The following TOM1L1 variants were observed in gnomAD, a reference collection of about 807,000 sequenced individuals.
The protein encoded by TOM1L1 is target of myb1 like 1 membrane trafficking protein, also known as TOM1-like protein 1.
A neutral mutation model predicts 63.4 loss-of-function variants in TOM1L1; 64 were observed. The observed-to-expected ratio is 1.01, with a 90% CI of 0.83 to 1.24. The LOEUF (loss-of-function observed/expected upper bound fraction) is 1.24. TOM1L1 is among the 50% of genes most tolerant of loss of function. The pLI, the probability that TOM1L1 is intolerant of heterozygous loss-of-function variation, is 0.00. For missense variants in TOM1L1, 536 were observed against 567.0 expected (o/e 0.95, Z 0.55); for synonymous variants, 166 against 194.4 (o/e 0.85, Z 1.22).
At chr17:54,914,790 G>C in intron 6 of TOM1L1, 47 bp downstream of exon 6, 1 of 1,434,288 alleles carries the variant, frequency 7.0e-7, no homozygotes, top group Non-Finnish European at 9.8e-7. Flanking sequence ...TTCCTGATTT[G>C]TAAGCACCTT....
chr17:54,944,275 C>T (rs908533163), intron 11 of TOM1L1, among the ~76,000 whole-genome samples: 3 of 150,986 alleles, frequency 2.0e-5, no homozygotes, highest in African/African-American at 7.3e-5. Flanking sequence ...TGGTGAAACC[C>T]CATCTCTACC....
intron 4 of TOM1L1, among the ~76,000 whole-genome samples, chr17:54,913,344 ATC>A (rs1264068458): frequency 1.3e-5 from 2 of 152,066 alleles, no homozygotes; most frequent in Non-Finnish European, 2.9e-5. Flanking sequence ...ATAATTATTG[ATC>A]TCTTATTTTC....
chr17:54,908,467 A>G (rs2048446200), intron 3 of TOM1L1, among the ~76,000 whole-genome samples: 1 of 152,270 alleles, frequency 6.6e-6, no homozygotes, highest in South Asian at 2.1e-4. Context: ...AAAAGCAATT[A>G]TAAGTTTACC....
chr17:54,903,252 A>G (rs2048356399), intron 1 of TOM1L1, among the ~76,000 whole-genome samples: 1 of 152,248 alleles, frequency 6.6e-6, no homozygotes, highest in Non-Finnish European at 1.5e-5. Context: ...TTTGAATGCC[A>G]ATTCTACTTC....
At chr17:54,938,844 T>TC in intron 10 of TOM1L1, 80 bp from the exon 11 acceptor site, 1 of 700,238 alleles carries the variant, frequency 1.4e-6, no homozygotes, top group Non-Finnish European at 2.3e-6. Context: ...TTTTCTTTTT[T>TC]TTTGTTTTTA....
rs1360856982 is a variant in TOM1L1, at chr17:54,950,025, G to T, written c.1289-20G>T. 2 of 1,600,344 alleles carry T rather than the reference G, an allele frequency of 1.2e-6. No individual in the cohort carries two copies. Among genetic ancestry groups the T allele is most frequent in the Non-Finnish European group, 1.7e-6 (2 of 1,169,378 alleles). On this transcript the variant is annotated intron_variant, in intron 13 of 15. Coordinates refer to ENST00000575882, the MANE Select transcript of TOM1L1 (RefSeq NM_005486.3). ...CTCAAAAAGCACAATATGTTTACTG[G>T]TCTCTTTTTTTGCCCAAAGCGATGA...
At chr17:54,958,591 C>T (rs368986094) in intron 14 of TOM1L1, among the ~76,000 whole-genome samples, 3 of 151,930 alleles carry the variant, frequency 2.0e-5, no homozygotes, top group South Asian at 2.1e-4. Flanking sequence ...ATTAGCCAGG[C>T]GTGGTAGCGG....
At chr17:54,936,075 A>T (rs1179110864) in intron 8 of TOM1L1, among the ~76,000 whole-genome samples, 1 of 148,664 alleles carries the variant, frequency 6.7e-6, no homozygotes, top group Non-Finnish European at 1.5e-5. Context: ...GTGAGCCAAG[A>T]TTGCACCTTT....
chr17:54,943,592 TAC>T lies in TOM1L1; in HGVS notation c.1131-3659_1131-3658del, dbSNP rs1371906657. Among the ~76,000 whole-genome samples the T allele has an allele frequency of 7.2e-5, 11 of 152,058 alleles. No individual in the cohort carries two copies. In the South Asian group the frequency reaches 2.1e-3, roughly 29 times the overall value. Reference sequence around the variant, plus strand: ...ATGTATATATGTTTATATATACATGTACACACACACATATATATAAAGAGAGT... The same window carrying T: ...ATGTATATATGTTTATATATACATGTACACACACATATATATAAAGAGAGT... On this transcript the variant is annotated intron_variant, in intron 11 of 15. Transcript: ENST00000575882.
rs370196872 is a variant in TOM1L1, at chr17:54,938,675, T to G, written c.1034-249T>G. 14 of 365,458 alleles carry G rather than the reference T, an allele frequency of 3.8e-5. No homozygotes were observed. The East Asian group carries it at 4.2e-4, about 11-fold the overall frequency. The allele number at this position is 365,458 out of a possible 1,614,324, so 22.6% of individuals were successfully genotyped here. On this transcript the variant is annotated intron_variant, in intron 10 of 15. Transcript: ENST00000575882. The stretch of plus-strand genomic sequence containing the variant: ...TAATATTTGTTACCCTTACAACAAC[T>G]TCTTCTCATGGCAGGGAAATTCTTT...
At chr17:54,959,248 C>G (rs1343150649) in intron 14 of TOM1L1, 1 of 152,130 alleles carries the variant, frequency 6.6e-6, no homozygotes, top group Non-Finnish European at 1.5e-5. Context: ...CCATGTTTTG[C>G]TATACTGTAT....
At position 54,961,166 on chromosome 17, in the gene TOM1L1, A is replaced by G. The variant is rs1373240629; in HGVS notation, c.*2-69A>G. The G allele has an allele frequency of 2.6e-5, 28 of 1,076,620 alleles. No individual in the cohort carries two copies. The South Asian group carries it at 3.2e-4, about 12-fold the overall frequency. 66.7% of individuals were successfully genotyped at this position (1,076,620 alleles called of 1,614,324 possible). On this transcript the variant is annotated intron_variant, in intron 15 of 15. Coordinates refer to ENST00000575882, the MANE Select transcript of TOM1L1 (RefSeq NM_005486.3). ...TCTCCAGCTTCCCAGTAAAGACAAGAGAGTTATCAAGGAATGGGGAAAGAG... is the reference window on the plus strand; with the variant it reads ...TCTCCAGCTTCCCAGTAAAGACAAGGGAGTTATCAAGGAATGGGGAAAGAG...
intron 2 of TOM1L1, 78 bp from the exon 3 acceptor site, chr17:54,905,411 A>G: frequency 1.0e-6 from 1 of 965,576 alleles, no homozygotes. Context: ...CTCTCTCCAA[A>G]TGCATGTTGC....
chr17:54,932,177 C>T (rs992328022), intron 8 of TOM1L1, among the ~76,000 whole-genome samples: 12 of 152,150 alleles, frequency 7.9e-5, no homozygotes, highest in Middle Eastern at 3.4e-3. Flanking sequence ...TATCAAGAGC[C>T]GAGCTCCCCG....
chr17:54,924,893 T>G (rs765015833), intron 7 of TOM1L1, among the ~76,000 whole-genome samples: 9 of 152,254 alleles, frequency 5.9e-5, no homozygotes, highest in Non-Finnish European at 1.2e-4. Context: ...TAACATCCAT[T>G]AACAATTCAC....
intron 7 of TOM1L1, among the ~76,000 whole-genome samples, chr17:54,928,847 A>T (rs576088680): frequency 6.6e-6 from 1 of 152,100 alleles, no homozygotes; most frequent in South Asian, 2.1e-4. Flanking sequence ...TGTCTTTTCA[A>T]TATTTTTTGT....
chr17:54,961,370 G>A lies in TOM1L1; in HGVS notation c.*137G>A. 1 of 1,550,830 alleles carries A rather than the reference G, an allele frequency of 6.4e-7. No individual in the cohort carries two copies. The highest frequency in any genetic ancestry group is 8.7e-7 in the Non-Finnish European group (1 of 1,146,636). Reference sequence around the variant, plus strand: ...CATGGTGGCACATTTCTGCTATAATGAAGATTAAATAGAATAACAGTTCCA... The same window carrying A: ...CATGGTGGCACATTTCTGCTATAATAAAGATTAAATAGAATAACAGTTCCA... On this transcript the variant is annotated 3_prime_UTR_variant, in exon 16 of 16. Coordinates refer to ENST00000575882, the MANE Select transcript of TOM1L1 (RefSeq NM_005486.3).
At chr17:54,951,146 G>A (rs908342781) in intron 14 of TOM1L1, among the ~76,000 whole-genome samples, 3 of 152,118 alleles carry the variant, frequency 2.0e-5, no homozygotes, top group African/African-American at 7.2e-5. Flanking sequence ...TGCTTCTTTG[G>A]GTTTGATTAG....
At chr17:54,951,503 T>A (rs527612528) in intron 14 of TOM1L1, among the ~76,000 whole-genome samples, 1 of 152,016 alleles carries the variant, frequency 6.6e-6, no homozygotes, top group South Asian at 2.1e-4. Flanking sequence ...TTGGGGCAGG[T>A]GAAAGGAGGA....
Sources: gnomAD v4.1 joint callset for allele counts (sites outside exome capture counted in the v4.1 genomes callset) on GRCh38, gnomAD v4.1.1 for gene constraint, MANE v1.5 for transcripts, NCBI Gene and HGNC (gene_info 2026-07-23, HGNC 2026-07-21) for gene names.